Variants in MTTP observed in about 807,000 individuals in gnomAD.
The protein encoded by MTTP is microsomal triglyceride transfer protein large subunit.
MTTP carries 49 observed loss-of-function variants against 90.6 expected under a neutral mutation model. The ratio of observed to expected loss-of-function variants is 0.54; its 90% CI spans 0.43 to 0.69. The LOEUF is 0.69. MTTP is among the 30% of genes least tolerant of loss of function. The pLI, the probability that MTTP is intolerant of heterozygous loss-of-function variation, is 0.00. For missense variants in MTTP, 945 were observed against 1,067.5 expected, an observed-to-expected ratio of 0.89 and a Z score of 1.60; for synonymous variants, 347 against 384.2, an observed-to-expected ratio of 0.90 and a Z score of 1.13.
At chr4:99,598,375 A>C (rs1437282436) in intron 8 of MTTP, among the ~76,000 whole-genome samples, 1 of 152,198 alleles carries the variant, frequency 6.6e-6, no homozygotes, top group Non-Finnish European at 1.5e-5. Context: ...AAAGGCAGAC[A>C]TTACTGAGAA....
intron 1 of MTTP, among the ~76,000 whole-genome samples, chr4:99,565,677 G>C (rs1035066083): frequency 1.3e-5 from 2 of 152,206 alleles, no homozygotes; most frequent in Non-Finnish European, 2.9e-5. Flanking sequence ...CATACAACAT[G>C]TACTTGAGAT....
At position 99,608,829 on chromosome 4, in the gene MTTP, A is replaced by T. The variant is rs753991471; in HGVS notation, c.1621A>T (p.Thr541Ser). 6.2e-7 allele frequency: 1 copy of T among 1,614,090 alleles called. No individual in the cohort carries two copies. The highest frequency in any genetic ancestry group is 8.5e-7 in the Non-Finnish European group (1 of 1,180,038). ...NRKVHEKTVR[T>S]AAAAIILNNN... ...TAAAGTTCATGAAAAGACTGTGCGC[A>T]CTGCTGCAGCTGCTATCATTTTAAA... The change falls in exon 12 of 18, where the codon ACT (threonine) becomes TCT (serine). Residue 541 changes from threonine to serine, a missense_variant. Coordinates refer to ENST00000265517, the MANE Select transcript of MTTP (RefSeq NM_001386140.1).
chr4:99,584,440 T>C (rs1725207368), intron 3 of MTTP, among the ~76,000 whole-genome samples: 1 of 152,176 alleles, frequency 6.6e-6, no homozygotes, highest in Admixed American at 6.6e-5. Flanking sequence ...TCAACTGAAG[T>C]ATTTGAAAAC....
chr4:99,585,242 G>C (rs1369358993), intron 3 of MTTP, among the ~76,000 whole-genome samples: 4 of 152,126 alleles, frequency 2.6e-5, no homozygotes, highest in Non-Finnish European at 5.9e-5. Context: ...TACACGAACT[G>C]TCTCTTTTAT....
At chr4:99,621,346 A>G in intron 17 of MTTP, 115 bp downstream of exon 17, 1 of 1,345,776 alleles carries the variant, frequency 7.4e-7, no homozygotes, top group Non-Finnish European at 1.1e-6. Context: ...AACCCAGGGA[A>G]AGATGAATTT....
intron 1 of MTTP, among the ~76,000 whole-genome samples, chr4:99,575,738 A>T (rs761625872): frequency 7.2e-5 from 11 of 152,234 alleles, no homozygotes; most frequent in Non-Finnish European, 1.3e-4. Flanking sequence ...CAGCTACATT[A>T]TAAACATCGG....
intron 5 of MTTP, 127 bp downstream of exon 5, chr4:99,591,478 A>G (rs1232836389): frequency 9.1e-7 from 1 of 1,103,340 alleles, no homozygotes; most frequent in Non-Finnish European, 1.3e-6. Context: ...TTTAGGCTAC[A>G]AATTCACACA....
At position 99,611,156 on chromosome 4, in the gene MTTP, C is replaced by T. The variant is rs199422219; in HGVS notation, c.1783C>T (p.Arg595Ter). Residue 595 changes from arginine to a stop codon, truncating the protein, a stop_gained, in exon 13 of 18, where the codon CGA becomes TGA. Transcript: ENST00000265517. LOFTEE classifies it high-confidence loss of function. ...CATATGTTGCAGCAAAATTGTCCGT[C>T]GAGTTCTGAAGGAAATGGTCGCTCA... ...FEMPASKIVR[R>*]VLKEMVAHNY... 2.5e-6 allele frequency: 4 copies of T among 1,613,534 alleles called. No homozygotes were observed. Among genetic ancestry groups the T allele is most frequent in the Non-Finnish European group, 3.4e-6 (4 of 1,179,874 alleles).
intron 3 of MTTP, among the ~76,000 whole-genome samples, chr4:99,585,205 T>C (rs1489694377): frequency 6.6e-6 from 1 of 152,160 alleles, no homozygotes; most frequent in Non-Finnish European, 1.5e-5. Context: ...AAGCACTTAC[T>C]GTGTGCTAGG....
chr4:99,573,095 A>G (rs1401322912), upstream of MTTP, among the ~76,000 whole-genome samples: 2 of 152,130 alleles, frequency 1.3e-5, no homozygotes, highest in East Asian at 3.8e-4. Flanking sequence ...AACGAATAGT[A>G]CTTTACCCGA....
At chr4:99,572,446 A>AT (rs963576266), upstream of MTTP, among the ~76,000 whole-genome samples, 2 of 151,882 alleles carry the variant, frequency 1.3e-5, no homozygotes, top group South Asian at 2.1e-4. Flanking sequence ...CCCACCTGTA[A>AT]TTTTTTTTAA....
upstream of MTTP, among the ~76,000 whole-genome samples, chr4:99,570,372 G>A (rs150256596): frequency 1.3e-3 from 189 of 148,756 alleles, no homozygotes; most frequent in Non-Finnish European, 2.1e-3. Context: ...TAATAATTTA[G>A]TAGTTGTCTG....
intron 4 of MTTP, among the ~76,000 whole-genome samples, chr4:99,590,836 TACAC>T (rs34529437): frequency 0.17 from 25,521 of 148,252 alleles, 2,592 homozygotes; most frequent in African/African-American, 0.29. Context: ...TAGTTGAAGT[TACAC>T]ACACACACAC....
At chr4:99,614,630 C>T (rs544776129) in intron 15 of MTTP, among the ~76,000 whole-genome samples, 1 of 152,298 alleles carries the variant, frequency 6.6e-6, no homozygotes, top group South Asian at 2.1e-4. Flanking sequence ...GCCATTCTTA[C>T]TTGTGACTTT....
At chr4:99,599,980 A>G (rs1014750837) in intron 8 of MTTP, among the ~76,000 whole-genome samples, 3 of 152,146 alleles carry the variant, frequency 2.0e-5, no homozygotes. Context: ...ATATATAACT[A>G]GAGTTTTCCT....
intron 3 of MTTP, chr4:99,583,761 A>G: frequency 1.7e-6 from 1 of 585,992 alleles, no homozygotes; most frequent in South Asian, 2.3e-5. Flanking sequence ...GGAATGAAGT[A>G]TTTATTTATT....
chr4:99,565,326 TAATG>T (rs998107363), intron 1 of MTTP, among the ~76,000 whole-genome samples: 3 of 152,228 alleles, frequency 2.0e-5, no homozygotes, highest in Admixed American at 1.3e-4. Context: ...CATATTCTAA[TAATG>T]AAGTCAATAA....
chr4:99,583,938 G>A (rs2110213024), intron 3 of MTTP: 1 of 233,978 alleles, frequency 4.3e-6, no homozygotes, highest in East Asian at 1.0e-4. Flanking sequence ...TTTGTTATGA[G>A]ATTATCGATA....
Position 99,622,829 on chromosome 4 carries a change from C to A in MTTP, c.2666C>A (p.Thr889Asn), listed in dbSNP as rs1459889971. The change falls in exon 18 of 18, where the codon ACT (threonine) becomes AAT (asparagine). Residue 889 changes from threonine to asparagine, a missense_variant. Physicochemically the swap from Thr to Asn is moderately conservative, Grantham distance 65. Coordinates refer to ENST00000265517, the MANE Select transcript of MTTP (RefSeq NM_001386140.1). ...GTGTTTGCCCCTCAGCCGGATAGTA[C>A]TTCCAGCGGATGGTTTTGAAACTGA... The part of the protein sequence containing the change: ...KVVFAPQPDS[T>N]SSGWF The A allele has an allele frequency of 8.7e-6, 14 of 1,614,002 alleles. No individual in the cohort carries two copies. The highest frequency in any genetic ancestry group is 1.3e-5 in the African/African-American group (1 of 74,912).
Sources: gnomAD v4.1 joint callset for allele counts (sites outside exome capture counted in the v4.1 genomes callset) on GRCh38, gnomAD v4.1.1 for gene constraint, MANE v1.5 for transcripts, NCBI Gene and HGNC (gene_info 2026-07-23, HGNC 2026-07-21) for gene names.